ASCC3: variants seen among roughly 807,000 people sequenced by gnomAD.
The protein encoded by ASCC3 is activating signal cointegrator 1 complex subunit 3.
In ASCC3, 158 loss-of-function variants were observed where a neutral mutation model predicts 256.3. The observed-to-expected ratio is 0.62, with a 90% CI of 0.54 to 0.70. ASCC3 has a LOEUF of 0.70. ASCC3 is among the 30% of genes least tolerant of loss of function. The pLI is 0.00. For missense variants in ASCC3, 2,259 were observed against 2,626.0 expected, an observed-to-expected ratio of 0.86 and a Z score of 3.05; for synonymous variants, 948 against 883.4, an observed-to-expected ratio of 1.07 and a Z score of -1.30.
At chr6:100,535,248 G>T (rs1775102858) in intron 37 of ASCC3, among the ~76,000 whole-genome samples, 1 of 152,142 alleles carries the variant, frequency 6.6e-6, no homozygotes, top group Admixed American at 6.5e-5. Context: ...CAGCAGAGCT[G>T]CAAACTGCTT....
At chr6:100,829,718 G>C (rs1232444281) in intron 4 of ASCC3, among the ~76,000 whole-genome samples, 1 of 152,198 alleles carries the variant, frequency 6.6e-6, no homozygotes, top group South Asian at 2.1e-4. Flanking sequence ...AAGAGCGAGC[G>C]AGGGCTGTGA....
At chr6:100,795,213 G>A (rs1769549228) in intron 8 of ASCC3, among the ~76,000 whole-genome samples, 1 of 151,886 alleles carries the variant, frequency 6.6e-6, no homozygotes. Flanking sequence ...AAAACCCATT[G>A]CTTCTGGGAT....
At chr6:100,666,662 G>C (rs551695712) in intron 14 of ASCC3, among the ~76,000 whole-genome samples, 3 of 152,190 alleles carry the variant, frequency 2.0e-5, no homozygotes, top group African/African-American at 7.2e-5. Flanking sequence ...AAAGTATAAG[G>C]AGCGAGTTTT....
chr6:100,525,156 CAAAAAAAAA>C (rs57882047), intron 37 of ASCC3, among the ~76,000 whole-genome samples: 70 of 44,960 alleles, frequency 1.6e-3, no homozygotes, highest in Admixed American at 4.2e-3. Context: ...GACCCTGTCT[CAAAAAAAAA>C]AAAAAAAAAA....
intron 4 of ASCC3, among the ~76,000 whole-genome samples, chr6:100,835,326 G>A (rs1322668047): frequency 6.6e-6 from 1 of 151,830 alleles, no homozygotes; most frequent in African/African-American, 2.4e-5. Flanking sequence ...ATGATTTGGG[G>A]GTCTTATCCA....
At chr6:100,517,882 T>A (rs966113339) in intron 38 of ASCC3, 109 bp downstream of exon 38, 44 of 1,220,626 alleles carry the variant, frequency 3.6e-5, no homozygotes, top group Non-Finnish European at 4.7e-5. Context: ...GTATTTTCCA[T>A]GTCAATAATC....
At chr6:100,830,061 T>A (rs1771547335) in intron 4 of ASCC3, among the ~76,000 whole-genome samples, 1 of 152,070 alleles carries the variant, frequency 6.6e-6, no homozygotes. Flanking sequence ...CACAACGGCA[T>A]GTAATTTAAA....
intron 36 of ASCC3, among the ~76,000 whole-genome samples, chr6:100,565,629 A>G (rs907592243): frequency 2.0e-5 from 3 of 152,100 alleles, no homozygotes; most frequent in African/African-American, 7.2e-5. Context: ...CCCGTGTCAT[A>G]GTCTAAACCC....
At chr6:100,841,635 T>C (rs192045344) in intron 4 of ASCC3, among the ~76,000 whole-genome samples, 3 of 152,122 alleles carry the variant, frequency 2.0e-5, no homozygotes, top group African/African-American at 7.2e-5. Flanking sequence ...ATCCAAATTG[T>C]GTTGATAATG....
intron 4 of ASCC3, among the ~76,000 whole-genome samples, chr6:100,847,574 C>T (rs572500206): frequency 3.3e-5 from 5 of 151,994 alleles, no homozygotes; most frequent in African/African-American, 4.8e-5. Flanking sequence ...CCAATAATAA[C>T]GACAAAAATA....
At chr6:100,695,336 CA>C (rs753592779) in intron 13 of ASCC3, among the ~76,000 whole-genome samples, 3 of 152,094 alleles carry the variant, frequency 2.0e-5, no homozygotes, top group Non-Finnish European at 4.4e-5. Context: ...CTATAAAAGA[CA>C]TTATTATTCC....
intron 30 of ASCC3, among the ~76,000 whole-genome samples, chr6:100,611,905 A>T (rs1485098959): frequency 6.6e-6 from 1 of 151,880 alleles, no homozygotes; most frequent in African/African-American, 2.4e-5. Flanking sequence ...CTGATAGAAG[A>T]AGTTTTACTT....
At chr6:100,856,513 C>T (rs1562347770) in intron 3 of ASCC3, 1 of 722,792 alleles carries the variant, frequency 1.4e-6, no homozygotes, top group Non-Finnish European at 1.7e-6. Flanking sequence ...AGAAAATATA[C>T]AGTACACATA....
chr6:100,809,978 T>C (rs1770380174), intron 4 of ASCC3, among the ~76,000 whole-genome samples: 1 of 152,094 alleles, frequency 6.6e-6, no homozygotes, highest in Non-Finnish European at 1.5e-5. Flanking sequence ...ACCTCTACTA[T>C]ACTAACACGC....
intron 20 of ASCC3, 105 bp downstream of exon 20, chr6:100,650,433 G>T: frequency 8.9e-6 from 10 of 1,128,468 alleles, no homozygotes; most frequent in Non-Finnish European, 1.1e-5. Context: ...TGGTGGTTTG[G>T]TAGCATGTCA....
intron 10 of ASCC3, among the ~76,000 whole-genome samples, chr6:100,725,964 TG>T (rs539148247): frequency 1.4e-3 from 189 of 139,916 alleles, no homozygotes; most frequent in African/African-American, 5.2e-3. Context: ...AAAATACACA[TG>T]TTTTTTTAAA....
chr6:100,660,107 G>GGGCAAATGCTATATATTAATATATCA (rs1776121285), intron 16 of ASCC3, among the ~76,000 whole-genome samples: 2 of 151,484 alleles, frequency 1.3e-5, no homozygotes, highest in South Asian at 4.1e-4. Flanking sequence ...CCTGAGAAGA[G>GGGCAAATGCTATATATTAATATATCA]GGCAAATGCT....
intron 22 of ASCC3, among the ~76,000 whole-genome samples, chr6:100,645,028 T>C (rs1348567304): frequency 6.6e-6 from 1 of 152,174 alleles, no homozygotes; most frequent in Admixed American, 6.6e-5. Flanking sequence ...GATAATATAC[T>C]TTCGTCCTTA....
At chr6:100,693,773 G>A (rs1248210049) in intron 13 of ASCC3, among the ~76,000 whole-genome samples, 1 of 152,122 alleles carries the variant, frequency 6.6e-6, no homozygotes, top group African/African-American at 2.4e-5. Flanking sequence ...TAAATTATGA[G>A]AAACTAATGC....
Sources: allele counts gnomAD v4.1 joint callset (sites outside exome capture counted in the v4.1 genomes callset), GRCh38; gene constraint gnomAD v4.1.1; transcripts MANE v1.5; gene names NCBI Gene and HGNC (gene_info 2026-07-23, HGNC 2026-07-21).